TNRC6A: variants seen among roughly 807,000 people sequenced by gnomAD.
TNRC6A encodes trinucleotide repeat containing adaptor 6A.
TNRC6A carries 44 observed loss-of-function variants against 221.2 expected under a neutral mutation model. The observed-to-expected ratio is 0.20, with a 90% CI of 0.16 to 0.26. TNRC6A has a LOEUF of 0.26. Among genes scored for constraint, TNRC6A ranks in the 10% least tolerant of loss-of-function variants. TNRC6A has a pLI of 1.00. For missense variants in TNRC6A, 2,199 were observed against 2,404.4 expected (o/e 0.91, Z 1.79); for synonymous variants, 847 against 838.5 (o/e 1.01, Z -0.18).
At chr16:24,810,062 C>T (rs2058512113) in intron 18 of TNRC6A, among the ~76,000 whole-genome samples, 1 of 152,190 alleles carries the variant, frequency 6.6e-6, no homozygotes, top group African/African-American at 2.4e-5. Flanking sequence ...ATCCATCTGC[C>T]TTGGTCTCCC....
chr16:24,820,192 T>C lies in TNRC6A; in HGVS notation c.5134T>C (p.Ser1712Pro), dbSNP rs750179621. Residue 1712 changes from serine to proline, a missense_variant, in exon 22 of 25, where the codon TCT becomes CCT. This residue lies in a region of TNRC6A where 449 missense variants were observed against 579.7 expected (regional missense o/e 0.77). Transcript: ENST00000395799. ...GTCTCCTGGTTCAGTTACAAACACCTCTCTGGCTCATGAGCTGTGGAAGGT... is the reference window on the plus strand; with the variant it reads ...GTCTCCTGGTTCAGTTACAAACACCCCTCTGGCTCATGAGCTGTGGAAGGT... ...TWSPGSVTNTSLAHELWKVPL... is the reference protein window; with the variant it reads ...TWSPGSVTNTPLAHELWKVPL... 6.2e-7 allele frequency: 1 copy of C among 1,614,140 alleles called. No homozygotes were observed. Among genetic ancestry groups the C allele is most frequent in the South Asian group, 1.1e-5 (1 of 91,080 alleles).
chr16:24,690,006 AAAAAAAAAAAAAAAAAAAAAAT>A (rs1351526273), intron 2 of TNRC6A, among the ~76,000 whole-genome samples: 3 of 57,826 alleles, frequency 5.2e-5, no homozygotes, highest in Admixed American at 2.1e-4. Flanking sequence ...AAAAAAAAAA[AAAAAAAAAAAAAAAAAAAAAAT>A]TTTTTTTTTT....
chr16:24,734,872 A>G (rs1479496476), intron 2 of TNRC6A, among the ~76,000 whole-genome samples: 2 of 152,202 alleles, frequency 1.3e-5, no homozygotes, highest in African/African-American at 2.4e-5. Flanking sequence ...CCATAAACCA[A>G]CTGTATGTCA....
chr16:24,773,634 G>C (rs2057659137), intron 4 of TNRC6A, among the ~76,000 whole-genome samples: 1 of 152,114 alleles, frequency 6.6e-6, no homozygotes, highest in South Asian at 2.1e-4. Context: ...ACATGGTTTT[G>C]CTTTTTTCCG....
At chr16:24,744,971 AT>A (rs2056971808) in intron 2 of TNRC6A, among the ~76,000 whole-genome samples, 1 of 152,154 alleles carries the variant, frequency 6.6e-6, no homozygotes, top group African/African-American at 2.4e-5. Context: ...ATCCTTTCAC[AT>A]CAGGGTGTAG....
At chr16:24,748,248 G>C (rs891775365) in intron 2 of TNRC6A, among the ~76,000 whole-genome samples, 3 of 152,212 alleles carry the variant, frequency 2.0e-5, no homozygotes, top group Admixed American at 1.3e-4. Flanking sequence ...TTTTTAACTA[G>C]TAATCAGCTT....
intron 2 of TNRC6A, among the ~76,000 whole-genome samples, chr16:24,645,734 T>C (rs575576818): frequency 6.8e-6 from 1 of 147,950 alleles, no homozygotes; most frequent in Non-Finnish European, 1.5e-5. Context: ...CGGTGGCTCA[T>C]GCCTGTAATC....
At chr16:24,775,184 A>G (rs144252029) in intron 4 of TNRC6A, among the ~76,000 whole-genome samples, 3 of 152,290 alleles carry the variant, frequency 2.0e-5, no homozygotes, top group Admixed American at 6.5e-5. Flanking sequence ...TTATTGTTAC[A>G]TATTAGAAGC....
At chr16:24,818,221 A>G (rs2058693000) in intron 20 of TNRC6A, among the ~76,000 whole-genome samples, 1 of 152,204 alleles carries the variant, frequency 6.6e-6, no homozygotes. Context: ...ATAGCCAGTA[A>G]GAAGTCACTG....
At chr16:24,771,933 C>T (rs1440936361) in intron 4 of TNRC6A, among the ~76,000 whole-genome samples, 4 of 152,172 alleles carry the variant, frequency 2.6e-5, no homozygotes, top group African/African-American at 2.4e-5. Flanking sequence ...TGCAGTGTTA[C>T]GAAATATAGT....
In TNRC6A at chr16:24,791,045, G is replaced by C; in HGVS notation, c.2403G>C (p.Gln801His). 2 of 1,592,886 alleles carry C rather than the reference G, an allele frequency of 1.3e-6. No individual in the cohort carries two copies. Among genetic ancestry groups the C allele is most frequent in the Non-Finnish European group, 1.7e-6 (2 of 1,168,856 alleles). Reference sequence around the variant, plus strand: ...GAGATTCCAAAGGCTCAAACTGCCAGGGGGGGTGGGAAGATGATTCTGCTG... The same window carrying C: ...GAGATTCCAAAGGCTCAAACTGCCACGGGGGGTGGGAAGATGATTCTGCTG... ...RWGDSKGSNC[Q>H]GGWEDDSAAT... Residue 801 changes from glutamine to histidine, a missense_variant, in exon 6 of 25, where the codon CAG becomes CAC. Physicochemically the swap from Gln to His is conservative, Grantham distance 24. Around this residue, in one of 8 missense-constraint regions of TNRC6A, gnomAD observed 1,405 missense variants for 1,400.2 expected, o/e 1.00. Transcript: ENST00000395799.
At chr16:24,753,835 A>G (rs555726526) in intron 3 of TNRC6A, among the ~76,000 whole-genome samples, 8 of 152,240 alleles carry the variant, frequency 5.3e-5, no homozygotes, top group East Asian at 1.9e-4. Flanking sequence ...GTTCTAATAC[A>G]TTTGTTCATT....
intron 2 of TNRC6A, among the ~76,000 whole-genome samples, chr16:24,648,463 G>C (rs1902422655): frequency 6.6e-6 from 1 of 151,800 alleles, no homozygotes; most frequent in African/African-American, 2.4e-5. Context: ...GTAGAGACGG[G>C]GTTTCACCGT....
chr16:24,802,813 G>A (rs1049172675), intron 11 of TNRC6A, among the ~76,000 whole-genome samples: 1 of 152,192 alleles, frequency 6.6e-6, no homozygotes, highest in African/African-American at 2.4e-5. Context: ...GCTCAGCATG[G>A]GTAGAGGAAG....
chr16:24,808,553 T>C (rs1420009640), intron 17 of TNRC6A, among the ~76,000 whole-genome samples: 1 of 152,222 alleles, frequency 6.6e-6, no homozygotes, highest in Non-Finnish European at 1.5e-5. Flanking sequence ...AATTGTCAAC[T>C]CCTGATCCGA....
chr16:24,769,564 T>G (rs1481118227), intron 4 of TNRC6A, among the ~76,000 whole-genome samples: 1 of 151,978 alleles, frequency 6.6e-6, no homozygotes, highest in Non-Finnish European at 1.5e-5. Flanking sequence ...AAATCTTTTT[T>G]GATATGGACC....
chr16:24,805,563 G>A, intron 14 of TNRC6A, 42 bp from the exon 15 acceptor site: 1 of 1,610,966 alleles, frequency 6.2e-7, no homozygotes, highest in Non-Finnish European at 8.5e-7. Context: ...GTTAGTGTGA[G>A]TTATTTTATC....
chr16:24,791,719 T>C lies in TNRC6A; in HGVS notation c.3077T>C (p.Val1026Ala), dbSNP rs1596731650. ...AATGTGAACATGTGGAACAAAAACG[T>C]CCCAAATGGCAACAGCCGTTCAGAC... ...YKNVNMWNKN[V>A]PNGNSRSDQQ... Residue 1026 changes from valine (V) to alanine (A), a missense_variant, in exon 6 of 25, where the codon GTC becomes GCC. Val to Ala is a moderately conservative substitution (Grantham distance 64). Transcript: ENST00000395799. The C allele has an allele frequency of 1.9e-6, 3 of 1,613,146 alleles. No homozygotes were observed. Among genetic ancestry groups the C allele is most frequent in the Non-Finnish European group, 2.5e-6 (3 of 1,179,718 alleles).
intron 2 of TNRC6A, among the ~76,000 whole-genome samples, chr16:24,749,033 C>A (rs371923178): frequency 2.0e-5 from 3 of 152,270 alleles, no homozygotes; most frequent in African/African-American, 7.2e-5. Context: ...CGCCACCACG[C>A]CCCTGCCTGA....
Sources: gnomAD v4.1 joint callset for allele counts (sites outside exome capture counted in the v4.1 genomes callset) on GRCh38, gnomAD v4.1.1 for gene constraint, gnomAD v4.1.1 regional missense constraint, MANE v1.5 for transcripts, NCBI Gene and HGNC (gene_info 2026-07-23, HGNC 2026-07-21) for gene names.